PHC2: variants seen among roughly 807,000 people sequenced by gnomAD.
PHC2 encodes polyhomeotic homolog 2, also known as polyhomeotic-like protein 2.
A neutral mutation model predicts 87.4 loss-of-function variants in PHC2; 29 were observed. The observed-to-expected ratio is 0.33, with a 90% CI of 0.25 to 0.45. The LOEUF (loss-of-function observed/expected upper bound fraction) is 0.45, where lower values mean the gene tolerates loss of function less well. PHC2 is among the 20% of genes least tolerant of loss of function. The pLI is 1.00. For missense variants in PHC2, 857 were observed against 1,136.7 expected, an observed-to-expected ratio of 0.75 and a Z score of 3.54; for synonymous variants, 438 against 461.7, an observed-to-expected ratio of 0.95 and a Z score of 0.66.
At chr1:33,427,388 C>T (rs772175922) in intron 1 of PHC2, among the ~76,000 whole-genome samples, 21 of 152,294 alleles carry the variant, frequency 1.4e-4, no homozygotes, top group Admixed American at 9.8e-4. Context: ...TTTAGGTCAA[C>T]GAAAATAATG....
At chr1:33,428,775 G>A (rs547000929) in intron 1 of PHC2, among the ~76,000 whole-genome samples, 3 of 152,322 alleles carry the variant, frequency 2.0e-5, no homozygotes, top group South Asian at 4.1e-4. Context: ...GAAGAGAAGA[G>A]GATAATAGTA....
chr1:33,429,228 C>G (rs1443556473), intron 1 of PHC2, among the ~76,000 whole-genome samples: 2 of 151,874 alleles, frequency 1.3e-5, no homozygotes, highest in East Asian at 3.9e-4. Context: ...GTGACAAAGA[C>G]CAGGAATGAG....
At chr1:33,358,061 T>G (rs1264545168) in intron 7 of PHC2, among the ~76,000 whole-genome samples, 4 of 152,322 alleles carry the variant, frequency 2.6e-5, no homozygotes, top group Admixed American at 6.5e-5. Flanking sequence ...AGGTCTGGGC[T>G]AGGTGATCAC....
At chr1:33,419,600 C>T (rs747872438) in intron 1 of PHC2, among the ~76,000 whole-genome samples, 31 of 151,802 alleles carry the variant, frequency 2.0e-4, no homozygotes, top group Non-Finnish European at 3.8e-4. Flanking sequence ...GTGTCTCCTT[C>T]TGCCTCTCTC....
intron 14 of PHC2, 54 bp from the exon 15 acceptor site, chr1:33,325,073 T>C (rs1646340552): frequency 4.0e-6 from 6 of 1,501,556 alleles, no homozygotes; most frequent in Non-Finnish European, 4.5e-6. Context: ...TGTTCACCTC[T>C]GGCAGCCACT....
intron 1 of PHC2, among the ~76,000 whole-genome samples, chr1:33,377,961 T>G (rs1302507184): frequency 6.6e-6 from 1 of 152,164 alleles, no homozygotes; most frequent in African/African-American, 2.4e-5. Flanking sequence ...CAAGGCAGTG[T>G]AGCAGCCTGC....
chr1:33,334,383 G>C lies in PHC2; in HGVS notation c.1559-91C>G. On this transcript the variant is annotated intron_variant, in intron 9 of 14. Coordinates refer to ENST00000683057, the MANE Select transcript of PHC2 (RefSeq NM_001385109.1). This position sits in a 1 kb window ranked among gnomAD's most constrained non-coding sequence, Gnocchi z 5.5. The stretch of plus-strand genomic sequence containing the variant: ...GACAGCAAGGACTCAAACTGCGCCC[G>C]GCTTTTACCGTGGGGCCAAGCGACA... The C allele has an allele frequency of 1.7e-6, 2 of 1,166,972 alleles. No individual in the cohort carries two copies. Among genetic ancestry groups the C allele is most frequent in the Non-Finnish European group, 2.5e-6 (2 of 806,856 alleles). 72.3% of individuals were successfully genotyped at this position (1,166,972 alleles called of 1,614,324 possible).
rs1264383687 is a variant in PHC2 at position 33,372,369 on chromosome 1, G to C, written c.253C>G (p.His85Asp). 6.2e-7 allele frequency: 1 copy of C among 1,606,778 alleles called. No individual in the cohort carries two copies. The highest frequency in any genetic ancestry group is 1.7e-5 in the Admixed American group (1 of 59,562). Residue 85 changes from histidine (H) to aspartate (D), a missense_variant, in exon 3 of 15, where the codon CAC becomes GAC. By Grantham distance (81) the His-to-Asp change is moderately conservative (BLOSUM62 -1). This residue lies in a region of PHC2 where 832 missense variants were observed against 1,081.8 expected (regional missense o/e 0.77). Transcript: ENST00000683057. The stretch of plus-strand genomic sequence containing the variant: ...AGCGCCGCGGTCTGCAGCATGAGGT[G>C]CTGCTGCTGGGCGGCGTACATCTGC... ...LQQMYAAQQQ[H>D]LMLQTAALQQ...
At chr1:33,348,513 T>C (rs1228598746) in intron 9 of PHC2, among the ~76,000 whole-genome samples, 1 of 152,224 alleles carries the variant, frequency 6.6e-6, no homozygotes, top group South Asian at 2.1e-4. Flanking sequence ...AGTGACATTA[T>C]TTTTTAAACC....
chr1:33,409,152 G>C (rs1042292501), intron 1 of PHC2, among the ~76,000 whole-genome samples: 1 of 152,152 alleles, frequency 6.6e-6, no homozygotes, highest in Non-Finnish European at 1.5e-5. Flanking sequence ...TAGAGCCATA[G>C]TATTTTACAT....
chr1:33,386,566 C>T (rs1648765231), intron 1 of PHC2, among the ~76,000 whole-genome samples: 7 of 152,008 alleles, frequency 4.6e-5, no homozygotes, highest in Admixed American at 2.6e-4. Flanking sequence ...GGTGTGGTGA[C>T]GCACACCTGT....
intron 7 of PHC2, among the ~76,000 whole-genome samples, chr1:33,355,533 CTCT>C (rs1557830510): frequency 6.6e-6 from 1 of 152,248 alleles, no homozygotes; most frequent in African/African-American, 2.4e-5. Flanking sequence ...AACTCACCTC[CTCT>C]GTGATGCCCT....
At chr1:33,417,768 C>T (rs577805392) in intron 1 of PHC2, among the ~76,000 whole-genome samples, 2 of 152,188 alleles carry the variant, frequency 1.3e-5, no homozygotes, top group Non-Finnish European at 2.9e-5. Context: ...AACAACACTA[C>T]AAACCTAATT....
chr1:33,325,094 AT>A, intron 14 of PHC2, 75 bp from the exon 15 acceptor site: 1 of 1,347,290 alleles, frequency 7.4e-7, no homozygotes, highest in Non-Finnish European at 1.0e-6. Context: ...GCATCTAGTT[AT>A]CTAGATCTAG....
chr1:33,355,353 C>T, intron 7 of PHC2, 100 bp from the exon 8 acceptor site: 1 of 1,034,098 alleles, frequency 9.7e-7, no homozygotes, highest in Non-Finnish European at 1.4e-6. Context: ...AATGGCTTCC[C>T]AAATTCAATG....
intron 1 of PHC2, among the ~76,000 whole-genome samples, chr1:33,423,365 T>C (rs1366539988): frequency 1.3e-5 from 2 of 152,164 alleles, no homozygotes; most frequent in African/African-American, 4.8e-5. Flanking sequence ...TCCAAATGCA[T>C]TTTACAGCCA....
chr1:33,418,904 T>C (rs1650315102), intron 1 of PHC2, among the ~76,000 whole-genome samples: 3 of 152,366 alleles, frequency 2.0e-5, no homozygotes, highest in South Asian at 2.1e-4. Context: ...ACTGTCACTT[T>C]GTCCTTTGTG....
chr1:33,367,247 C>T lies in PHC2; in HGVS notation c.845G>A (p.Gly282Asp). The T allele has an allele frequency of 6.2e-7, 1 of 1,614,134 alleles. No homozygotes were observed. Among genetic ancestry groups the T allele is most frequent in the Non-Finnish European group, 8.5e-7 (1 of 1,179,994 alleles). ...AQASPAGAKP[G>D]IADSVMEPHK... ...TGGCTCCATCACACTGTCAGCTATG[C>T]CAGGCTTGGCACCTGCAGGGGAAGC... The change falls in exon 7 of 15, where the codon GGC becomes GAC. Residue 282 changes from glycine (G) to aspartate (D), a missense_variant. Gly to Asp is a moderately conservative substitution (Grantham distance 94, BLOSUM62 -1). This residue lies in a region of PHC2 where 832 missense variants were observed against 1,081.8 expected (regional missense o/e 0.77). Transcript: ENST00000683057.
rs535007137 is a variant in PHC2 at position 33,334,051 on chromosome 1, T to C, written c.1761+39A>G. On this transcript the variant is annotated intron_variant, in intron 10 of 14. Transcript: ENST00000683057. This position sits in a 1 kb window ranked among gnomAD's most constrained non-coding sequence, Gnocchi z 5.5. ...AAAATATTCTAAGACACATCCAAAATATACTTAAAAAAAAAAGGGGAAAAG... is the reference window on the plus strand; with the variant it reads ...AAAATATTCTAAGACACATCCAAAACATACTTAAAAAAAAAAGGGGAAAAG... The C allele has an allele frequency of 3.8e-5, 58 of 1,533,568 alleles. No individual in the cohort carries two copies. The highest frequency in any genetic ancestry group is 5.1e-5 in the Non-Finnish European group (57 of 1,125,900). 95.0% of individuals were successfully genotyped at this position (1,533,568 alleles called of 1,614,324 possible). A position where few individuals can be genotyped will look rare whatever the true frequency, so the allele number is the denominator to read the frequency against.
Sources: gnomAD v4.1 joint callset for allele counts (sites outside exome capture counted in the v4.1 genomes callset) on GRCh38, gnomAD v4.1.1 for gene constraint, gnomAD v4.1.1 regional missense constraint, Gnocchi (gnomAD v3.1) non-coding constraint, MANE v1.5 for transcripts, NCBI Gene and HGNC (gene_info 2026-07-23, HGNC 2026-07-21) for gene names.